Variants in GAB1 observed in about 807,000 individuals in gnomAD.
GAB1 encodes GRB2-associated-binding protein 1.
Under a neutral mutation model 66.5 loss-of-function variants are expected in GAB1, and 19 were observed. The observed-to-expected ratio is 0.29, with a 90% CI of 0.20 to 0.42. The LOEUF (loss-of-function observed/expected upper bound fraction) is 0.42, where lower values mean the gene tolerates loss of function less well. Ranked by LOEUF, GAB1 falls within the 10% of genes least tolerant of loss-of-function variation. The pLI, the probability that GAB1 is intolerant of heterozygous loss-of-function variation, is 1.00. For missense variants in GAB1, 732 were observed against 858.5 expected (o/e 0.85, Z 1.84); for synonymous variants, 294 against 301.4 (o/e 0.98, Z 0.25).
intron 6 of GAB1, among the ~76,000 whole-genome samples, chr4:143,449,787 T>G (rs566793600): frequency 1.3e-5 from 2 of 152,300 alleles, no homozygotes; most frequent in Non-Finnish European, 2.9e-5. Flanking sequence ...TTAGTCCATT[T>G]ACATTTAAAG....
chr4:143,412,036 A>G (rs1718902898), intron 1 of GAB1, among the ~76,000 whole-genome samples: 1 of 152,214 alleles, frequency 6.6e-6, no homozygotes, highest in Non-Finnish European at 1.5e-5. Flanking sequence ...ATGTCTACTC[A>G]GCCTCTGTAA....
At position 143,469,289 on chromosome 4, in the gene GAB1, A is replaced by C; in HGVS notation, c.*100A>C. On this transcript the variant is annotated 3_prime_UTR_variant, in exon 10 of 10. Coordinates refer to ENST00000262994, the MANE Select transcript of GAB1 (RefSeq NM_002039.4). ...CACTTCCACTCTAGGTAGATCCTCAAATGAGTAGAGTTGAAGTCAAAGGAC... is the reference window on the plus strand; with the variant it reads ...CACTTCCACTCTAGGTAGATCCTCACATGAGTAGAGTTGAAGTCAAAGGAC... 1 of 1,236,972 alleles carries C rather than the reference A, an allele frequency of 8.1e-7. No homozygotes were observed. Among genetic ancestry groups the C allele is most frequent in the South Asian group, 1.5e-5 (1 of 68,532 alleles). 76.6% of individuals were successfully genotyped at this position (1,236,972 alleles called of 1,614,324 possible).
At chr4:143,351,821 A>G (rs1232287603) in intron 1 of GAB1, among the ~76,000 whole-genome samples, 1 of 152,170 alleles carries the variant, frequency 6.6e-6, no homozygotes, top group Non-Finnish European at 1.5e-5. Context: ...TATTGCACAG[A>G]TTTATCTGGC....
At chr4:143,434,842 G>A (rs1247909249) in intron 3 of GAB1, among the ~76,000 whole-genome samples, 2 of 152,060 alleles carry the variant, frequency 1.3e-5, no homozygotes, top group Non-Finnish European at 2.9e-5. Context: ...TGAATAGTTA[G>A]AAGAGTTAAG....
intron 1 of GAB1, among the ~76,000 whole-genome samples, chr4:143,363,326 G>T (rs781749037): frequency 6.6e-6 from 1 of 152,202 alleles, no homozygotes; most frequent in Non-Finnish European, 1.5e-5. Context: ...ACAGACTCAG[G>T]AGTCATAAGA....
intron 1 of GAB1, among the ~76,000 whole-genome samples, chr4:143,367,292 C>T (rs897827288): frequency 1.3e-5 from 2 of 152,134 alleles, no homozygotes; most frequent in African/African-American, 4.8e-5. Flanking sequence ...GTAGTTGGAA[C>T]TCAATAAATG....
intron 1 of GAB1, among the ~76,000 whole-genome samples, chr4:143,346,151 C>G (rs1451137008): frequency 6.6e-6 from 1 of 152,216 alleles, no homozygotes; most frequent in East Asian, 1.9e-4. Context: ...CATCAAAAAT[C>G]ACAAAATATT....
chr4:143,389,478 G>C (rs1447445441), intron 1 of GAB1, among the ~76,000 whole-genome samples: 1 of 152,198 alleles, frequency 6.6e-6, no homozygotes, highest in Non-Finnish European at 1.5e-5. Flanking sequence ...GGCGCTTGTA[G>C]CATAAAATAT....
At chr4:143,367,658 T>C (rs1440249874) in intron 1 of GAB1, among the ~76,000 whole-genome samples, 1 of 151,876 alleles carries the variant, frequency 6.6e-6, no homozygotes, top group East Asian at 1.9e-4. Context: ...GTCTTCCATG[T>C]TTTTTGATGC....
rs1333630010 is a variant in GAB1 at position 143,433,721 on chromosome 4, A to C, written c.593+5A>C. 6.2e-7 allele frequency: 1 copy of C among 1,600,708 alleles called. No homozygotes were observed. Among genetic ancestry groups the C allele is most frequent in the East Asian group, 2.2e-5 (1 of 44,832 alleles). ...CAAGAAGCCCGAACCCACCAGGTAA[A>C]TTATATATGCCCATGTGAGAGAGAG... On this transcript the variant is annotated splice_donor_5th_base_variant and intron_variant, in intron 3 of 9. Coordinates refer to ENST00000262994, the MANE Select transcript of GAB1 (RefSeq NM_002039.4).
chr4:143,386,258 C>T (rs1378521588), intron 1 of GAB1, among the ~76,000 whole-genome samples: 1 of 152,136 alleles, frequency 6.6e-6, no homozygotes, highest in Non-Finnish European at 1.5e-5. Context: ...TTTCCGATTT[C>T]AGATTTTTTT....
At chr4:143,411,514 G>A (rs1183688922) in intron 1 of GAB1, among the ~76,000 whole-genome samples, 1 of 152,174 alleles carries the variant, frequency 6.6e-6, no homozygotes, top group Non-Finnish European at 1.5e-5. Flanking sequence ...TGGTTTTGAA[G>A]GTTTCTAGAA....
intron 9 of GAB1, among the ~76,000 whole-genome samples, chr4:143,467,060 T>G (rs1017861248): frequency 2.0e-5 from 3 of 152,202 alleles, no homozygotes; most frequent in South Asian, 2.1e-4. Context: ...TAGAAGTGCC[T>G]TTAGTGGAGG....
At chr4:143,459,612 G>A (rs1347365857) in intron 7 of GAB1, 134 bp downstream of exon 7, 3 of 670,128 alleles carry the variant, frequency 4.5e-6, no homozygotes, top group Non-Finnish European at 8.0e-6. Flanking sequence ...GGGGTTCTGT[G>A]AAGTCAAAAC....
intron 1 of GAB1, among the ~76,000 whole-genome samples, chr4:143,361,344 C>T (rs1379816437): frequency 6.6e-6 from 1 of 152,158 alleles, no homozygotes; most frequent in East Asian, 1.9e-4. Flanking sequence ...TGCTCAGCAG[C>T]TCACTCTGAC....
At chr4:143,405,160 C>A (rs1481539121) in intron 1 of GAB1, among the ~76,000 whole-genome samples, 1 of 152,082 alleles carries the variant, frequency 6.6e-6, no homozygotes, top group African/African-American at 2.4e-5. Context: ...TCTGTGATGA[C>A]GTTACATTCT....
At chr4:143,441,555 C>CAGGAGGTTAACCTCCTTCAACA (rs573009643) in intron 6 of GAB1, among the ~76,000 whole-genome samples, 2,186 of 152,062 alleles carry the variant, frequency 0.014, 22 homozygotes, top group Non-Finnish European at 0.018. Context: ...CTCGTTTCAA[C>CAGGAGGTTAACCTCCTTCAACA]AGGAGGTTAA....
intron 1 of GAB1, among the ~76,000 whole-genome samples, chr4:143,393,465 G>C (rs1234631541): frequency 6.6e-6 from 1 of 152,098 alleles, no homozygotes; most frequent in Non-Finnish European, 1.5e-5. Context: ...TAATGTCTTT[G>C]TGACTCGTTT....
chr4:143,364,244 T>C (rs994904022), intron 1 of GAB1, among the ~76,000 whole-genome samples: 1 of 152,144 alleles, frequency 6.6e-6, no homozygotes, highest in Non-Finnish European at 1.5e-5. Flanking sequence ...TGTTATTTTG[T>C]ATCTGCCCAC....
Sources: gnomAD v4.1 joint callset for allele counts (sites outside exome capture counted in the v4.1 genomes callset) on GRCh38, gnomAD v4.1.1 for gene constraint, MANE v1.5 for transcripts, NCBI Gene and HGNC (gene_info 2026-07-23, HGNC 2026-07-21) for gene names.